ADCY1: variants seen among roughly 807,000 people sequenced by gnomAD.
ADCY1 encodes the protein adenylate cyclase type 1.
In ADCY1, 28 loss-of-function variants were observed where a neutral mutation model predicts 105.4. The observed-to-expected ratio is 0.27, with a 90% CI of 0.20 to 0.36. ADCY1 has a LOEUF of 0.36. ADCY1 is among the 10% of genes least tolerant of loss of function. The pLI is 1.00. For synonymous variants in ADCY1, 655 were observed against 623.8 expected, an observed-to-expected ratio of 1.05 and a Z score of -0.75; for missense variants, 977 against 1,434.2, an observed-to-expected ratio of 0.68 and a Z score of 5.15.
chr7:45,575,322 A>C lies in ADCY1; in HGVS notation c.639+140A>C. The stretch of plus-strand genomic sequence containing the variant: ...TCCGAGTGGGGGTGTGTTCAAGGTC[A>C]CTCCTACGAGTTGGGGACGCAGTCG... On this transcript the variant is annotated intron_variant, in intron 1 of 19. Coordinates refer to ENST00000297323, the MANE Select transcript of ADCY1 (RefSeq NM_021116.4). This position sits in a 1 kb window ranked among gnomAD's most constrained non-coding sequence, Gnocchi z 4.7. 2 of 1,124,288 alleles carry C rather than the reference A, an allele frequency of 1.8e-6. No individual in the cohort carries two copies. Among genetic ancestry groups the C allele is most frequent in the South Asian group, 3.4e-5 (2 of 59,648 alleles). The allele number at this position is 1,124,288 out of a possible 1,614,324, so 69.6% of individuals were successfully genotyped here.
intron 5 of ADCY1, among the ~76,000 whole-genome samples, chr7:45,650,245 C>T (rs1794773851): frequency 6.6e-6 from 1 of 152,058 alleles, no homozygotes; most frequent in African/African-American, 2.4e-5. Context: ...TACCATATAA[C>T]ATATCACATA....
intron 17 of ADCY1, among the ~76,000 whole-genome samples, chr7:45,706,692 A>C (rs1785128017): frequency 6.6e-6 from 1 of 152,192 alleles, no homozygotes; most frequent in African/African-American, 2.4e-5. Flanking sequence ...TCATGAAAGA[A>C]AAAATTGGTA....
rs1554332712 is a variant in ADCY1 at position 45,706,512 on chromosome 7, A to AAG, written c.2818-1836_2818-1835dup. On this transcript the variant is annotated intron_variant, in intron 17 of 19. Coordinates refer to ENST00000297323, the MANE Select transcript of ADCY1 (RefSeq NM_021116.4). ...ACATGCAAAAAAAAAAAAAAAAAAA[A>AAG]AGAATATAGATGCAGACTTTACACC... 9.3e-3 allele frequency among the ~76,000 whole-genome samples: 1,255 copies of AAG among 135,382 alleles called. 50 individuals carry two copies. The highest frequency in any genetic ancestry group is 0.016 in the South Asian group (66 of 4,118). 88.8% of individuals were successfully genotyped at this position (135,382 alleles called of 152,430 possible).
At chr7:45,586,260 A>G (rs1246429803) in intron 1 of ADCY1, among the ~76,000 whole-genome samples, 1 of 152,060 alleles carries the variant, frequency 6.6e-6, no homozygotes, top group African/African-American at 2.4e-5. Context: ...CTTGGAACTG[A>G]GGTGCCAGTG....
At chr7:45,694,070 C>T (rs1257378878) in intron 14 of ADCY1, among the ~76,000 whole-genome samples, 1 of 119,732 alleles carries the variant, frequency 8.4e-6, no homozygotes, top group Non-Finnish European at 1.7e-5. Flanking sequence ...ACATATGTAA[C>T]TAAGCTGCAC....
chr7:45,679,901 G>A, intron 11 of ADCY1, 108 bp downstream of exon 11: 5 of 1,325,554 alleles, frequency 3.8e-6, no homozygotes, highest in South Asian at 2.3e-5. Flanking sequence ...AGGGTGGCCT[G>A]TGTCCTATAC....
At chr7:45,687,658 G>C (rs1197313777) in intron 14 of ADCY1, among the ~76,000 whole-genome samples, 1 of 152,212 alleles carries the variant, frequency 6.6e-6, no homozygotes, top group African/African-American at 2.4e-5. Flanking sequence ...ATAGCTCTTC[G>C]CTGTTGGAGC....
intron 14 of ADCY1, among the ~76,000 whole-genome samples, chr7:45,694,413 T>G (rs1017287853): frequency 6.6e-6 from 1 of 152,198 alleles, no homozygotes; most frequent in Non-Finnish European, 1.5e-5. Flanking sequence ...GAAAGTAATA[T>G]GAACCAAATG....
chr7:45,711,880 ATAAATATAT>A (rs1014820048), intron 19 of ADCY1, among the ~76,000 whole-genome samples: 2 of 113,962 alleles, frequency 1.8e-5, no homozygotes, highest in Non-Finnish European at 3.3e-5. Context: ...TATTAAATAT[ATAAATATAT>A]TTATATATTA....
At chr7:45,651,339 G>T (rs1010699906) in intron 5 of ADCY1, among the ~76,000 whole-genome samples, 1 of 152,146 alleles carries the variant, frequency 6.6e-6, no homozygotes, top group Non-Finnish European at 1.5e-5. Context: ...TTGGCATCTG[G>T]TGCATCCCCT....
intron 17 of ADCY1, among the ~76,000 whole-genome samples, chr7:45,705,220 C>T (rs545418762): frequency 6.6e-6 from 1 of 152,244 alleles, no homozygotes; most frequent in African/African-American, 2.4e-5. Context: ...CTAACTCATT[C>T]TGTAGGCCAG....
At position 45,662,077 on chromosome 7, in the gene ADCY1, C is replaced by A; in HGVS notation, c.1468C>A (p.Leu490Ile). 6.2e-7 allele frequency: 1 copy of A among 1,614,038 alleles called. No individual in the cohort carries two copies. Among genetic ancestry groups the A allele is most frequent in the Non-Finnish European group, 8.5e-7 (1 of 1,179,944 alleles). ...HRRKIFPGLI[L>I]SDIKPAKRMK... ...TGGACAGATATTTCCAGGCCTGATTCTCTCAGATATAAAACCGGCCAAAAG... is the reference window on the plus strand; with the variant it reads ...TGGACAGATATTTCCAGGCCTGATTATCTCAGATATAAAACCGGCCAAAAG... The change falls in exon 8 of 20, where the codon CTC becomes ATC. Residue 490 changes from leucine (L) to isoleucine (I), a missense_variant. By Grantham distance (5) the Leu-to-Ile change is conservative. Coordinates refer to ENST00000297323, the MANE Select transcript of ADCY1 (RefSeq NM_021116.4).
At chr7:45,637,403 A>G (rs912462559) in intron 4 of ADCY1, among the ~76,000 whole-genome samples, 2 of 152,130 alleles carry the variant, frequency 1.3e-5, no homozygotes, top group East Asian at 1.9e-4. Flanking sequence ...TATGCAGTCT[A>G]TTTCTTTGTG....
intron 2 of ADCY1, among the ~76,000 whole-genome samples, chr7:45,596,276 T>C (rs568967698): frequency 1.4e-4 from 22 of 152,206 alleles, no homozygotes; most frequent in East Asian, 1.4e-3. Context: ...CAGAGCCTTC[T>C]CCAGCCACTT....
At chr7:45,589,302 T>C (rs1271923730) in intron 1 of ADCY1, among the ~76,000 whole-genome samples, 1 of 151,302 alleles carries the variant, frequency 6.6e-6, no homozygotes, top group Non-Finnish European at 1.5e-5. Flanking sequence ...GGTCAGGGAG[T>C]GTGGTGGTGG....
At chr7:45,676,706 C>G (rs1356276172) in intron 8 of ADCY1, among the ~76,000 whole-genome samples, 3 of 152,060 alleles carry the variant, frequency 2.0e-5, no homozygotes, top group Non-Finnish European at 4.4e-5. Context: ...ATGAGCATCT[C>G]CACTCCCTGT....
In ADCY1 at chr7:45,586,554, A is replaced by G. The variant is rs539367276; in HGVS notation, c.640-6205A>G. Among the ~76,000 whole-genome samples, 3 of 152,344 alleles carry G rather than the reference A, an allele frequency of 2.0e-5. No homozygotes were observed. The South Asian group carries it at 6.2e-4, about 32-fold the overall frequency. On this transcript the variant is annotated intron_variant, in intron 1 of 19. Transcript: ENST00000297323. ...CCTGTTTCAAATGATGCTAATTCTA[A>G]AACGCTTTTATTAATTCAAACACCA...
chr7:45,609,727 G>A (rs917547898), intron 2 of ADCY1, among the ~76,000 whole-genome samples: 1 of 152,182 alleles, frequency 6.6e-6, no homozygotes, highest in Non-Finnish European at 1.5e-5. Flanking sequence ...CCAACTGGAG[G>A]ATGAGAATCA....
chr7:45,676,916 C>CT (rs1341836719), intron 8 of ADCY1, among the ~76,000 whole-genome samples: 2 of 149,470 alleles, frequency 1.3e-5, no homozygotes, highest in African/African-American at 2.5e-5. Context: ...TAGGTTGCCC[C>CT]TTTTTTTTTC....
Sources: allele counts gnomAD v4.1 joint callset (sites outside exome capture counted in the v4.1 genomes callset), GRCh38; gene constraint gnomAD v4.1.1; non-coding constraint Gnocchi (gnomAD v3.1); transcripts MANE v1.5; gene names NCBI Gene and HGNC (gene_info 2026-07-23, HGNC 2026-07-21).